Variants in PDZRN4 observed in about 807,000 individuals in gnomAD.
PDZRN4 encodes the protein PDZ domain containing ring finger 4, also known as PDZ domain-containing RING finger protein 4.
In PDZRN4, 70 loss-of-function variants were observed where a neutral mutation model predicts 99.0. The observed-to-expected ratio is 0.71, with a 90% CI of 0.58 to 0.86. The LOEUF is 0.86. Among genes scored for constraint, PDZRN4 ranks in the 40% least tolerant of loss-of-function variants. The pLI is 0.00. For missense variants in PDZRN4, 1,474 were observed against 1,331.2 expected (o/e 1.11, Z -1.67); for synonymous variants, 551 against 501.6 (o/e 1.10, Z -1.32).
At chr12:41,226,693 C>A (rs79645253) in intron 3 of PDZRN4, among the ~76,000 whole-genome samples, 3,350 of 152,220 alleles carry the variant, frequency 0.022, 92 homozygotes, top group African/African-American at 0.064. Context: ...TAAATATTGG[C>A]CACATGATTC....
intron 5 of PDZRN4, among the ~76,000 whole-genome samples, chr12:41,546,555 C>T (rs1213167148): frequency 1.3e-5 from 2 of 152,136 alleles, no homozygotes; most frequent in African/African-American, 2.4e-5. Context: ...CTATAAACTG[C>T]TTGTGATTGT....
chr12:41,320,678 G>A (rs866630516), intron 3 of PDZRN4, among the ~76,000 whole-genome samples: 22 of 150,198 alleles, frequency 1.5e-4, no homozygotes, highest in Admixed American at 4.7e-4. Flanking sequence ...AGTTGACTCA[G>A]TACGGTTTTA....
At chr12:41,407,542 G>C (rs1952358974) in intron 3 of PDZRN4, among the ~76,000 whole-genome samples, 1 of 152,084 alleles carries the variant, frequency 6.6e-6, no homozygotes, top group Non-Finnish European at 1.5e-5. Flanking sequence ...TGTGGAAAGG[G>C]CAAGCATGCT....
chr12:41,565,965 C>G (rs1386900138), intron 8 of PDZRN4, among the ~76,000 whole-genome samples: 1 of 152,086 alleles, frequency 6.6e-6, no homozygotes, highest in Admixed American at 6.6e-5. Flanking sequence ...TCTGTCTCTG[C>G]CGTTACATTA....
intron 3 of PDZRN4, among the ~76,000 whole-genome samples, chr12:41,340,944 A>G (rs1951811719): frequency 6.6e-6 from 1 of 152,004 alleles, no homozygotes; most frequent in African/African-American, 2.4e-5. Flanking sequence ...TTACTGATGA[A>G]CATAGATACA....
rs547250783 is a variant in PDZRN4, at chr12:41,285,911, T to C, written c.843+91723T>C. ...GAAAAACTTAATGTAGATGACGGGT[T>C]GTTGGGTGCAGCAAACCACCATGGC... On this transcript the variant is annotated intron_variant, in intron 3 of 9. Coordinates refer to ENST00000402685, the MANE Select transcript of PDZRN4 (RefSeq NM_001164595.2). Among the ~76,000 whole-genome samples the C allele has an allele frequency of 2.6e-5, 4 of 152,098 alleles. No homozygotes were observed. The South Asian group carries it at 8.3e-4, about 32-fold the overall frequency.
At chr12:41,243,525 G>A (rs1341481189) in intron 3 of PDZRN4, among the ~76,000 whole-genome samples, 6 of 152,046 alleles carry the variant, frequency 3.9e-5, no homozygotes, top group African/African-American at 9.7e-5. Context: ...GTGATATCAC[G>A]GCATTTGAAT....
chr12:41,400,449 G>A (rs1952281549), intron 3 of PDZRN4, among the ~76,000 whole-genome samples: 1 of 152,076 alleles, frequency 6.6e-6, no homozygotes, highest in South Asian at 2.1e-4. Flanking sequence ...CAACACTTTC[G>A]AGGCACCATC....
intron 3 of PDZRN4, among the ~76,000 whole-genome samples, chr12:41,279,719 G>A (rs183998628): frequency 1.3e-5 from 2 of 152,224 alleles, no homozygotes; most frequent in Non-Finnish European, 2.9e-5. Flanking sequence ...TTTCAATAGA[G>A]GGAAGAAGAC....
intron 9 of PDZRN4, among the ~76,000 whole-genome samples, chr12:41,570,858 G>A (rs567212662): frequency 1.3e-5 from 2 of 152,162 alleles, no homozygotes; most frequent in East Asian, 3.9e-4. Context: ...ATCTCAGTAT[G>A]TTTTCAACAA....
chr12:41,513,232 C>G (rs1000055239), intron 5 of PDZRN4, among the ~76,000 whole-genome samples: 4 of 152,036 alleles, frequency 2.6e-5, no homozygotes, highest in Non-Finnish European at 5.9e-5. Context: ...GGCAGACAAG[C>G]AAATGCTTCT....
intron 3 of PDZRN4, among the ~76,000 whole-genome samples, chr12:41,406,406 C>T (rs967893941): frequency 5.3e-5 from 8 of 152,102 alleles, no homozygotes; most frequent in African/African-American, 9.7e-5. Flanking sequence ...TGGCTCCTTA[C>T]GTCATTACCA....
At chr12:41,347,872 A>C (rs1204960351) in intron 3 of PDZRN4, among the ~76,000 whole-genome samples, 1 of 152,164 alleles carries the variant, frequency 6.6e-6, no homozygotes, top group Non-Finnish European at 1.5e-5. Flanking sequence ...TATATTAGTT[A>C]AGTGAACGAA....
chr12:41,429,037 G>T (rs1952563678), intron 3 of PDZRN4, among the ~76,000 whole-genome samples: 1 of 152,184 alleles, frequency 6.6e-6, no homozygotes, highest in Non-Finnish European at 1.5e-5. Flanking sequence ...AAAGAACCAT[G>T]AGTTAAGTTT....
intron 3 of PDZRN4, among the ~76,000 whole-genome samples, chr12:41,276,922 T>C (rs1435351132): frequency 6.6e-6 from 1 of 152,184 alleles, no homozygotes; most frequent in Non-Finnish European, 1.5e-5. Flanking sequence ...ATGTCATGCA[T>C]AATGGTTAGC....
intron 5 of PDZRN4, among the ~76,000 whole-genome samples, chr12:41,522,844 C>A (rs1280302718): frequency 6.6e-6 from 1 of 152,114 alleles, no homozygotes; most frequent in Admixed American, 6.6e-5. Context: ...AGAAGACTTT[C>A]TATTCCCCAA....
chr12:41,560,593 C>A (rs560120402), intron 7 of PDZRN4, among the ~76,000 whole-genome samples: 4 of 152,194 alleles, frequency 2.6e-5, no homozygotes, highest in African/African-American at 9.6e-5. Context: ...GGAAGTCCTC[C>A]ATTAAGCTAT....
At chr12:41,433,710 C>G (rs1028424524) in intron 3 of PDZRN4, among the ~76,000 whole-genome samples, 1 of 152,218 alleles carries the variant, frequency 6.6e-6, no homozygotes, top group Non-Finnish European at 1.5e-5. Flanking sequence ...AAATTTATGA[C>G]AGCTGTCACA....
chr12:41,223,658 A>C (rs1162211509), intron 3 of PDZRN4, among the ~76,000 whole-genome samples: 1 of 152,286 alleles, frequency 6.6e-6, no homozygotes, highest in East Asian at 1.9e-4. Context: ...TGAAGTGGTC[A>C]CTTAGGACAG....
Sources: gnomAD v4.1 joint callset for allele counts (sites outside exome capture counted in the v4.1 genomes callset) on GRCh38, gnomAD v4.1.1 for gene constraint, MANE v1.5 for transcripts, NCBI Gene and HGNC (gene_info 2026-07-23, HGNC 2026-07-21) for gene names.